GRM7: variants seen among roughly 807,000 people sequenced by gnomAD.
GRM7 encodes glutamate metabotropic receptor 7.
In GRM7, 35 loss-of-function variants were observed where a neutral mutation model predicts 84.5. The ratio of observed to expected loss-of-function variants is 0.41; its 90% CI spans 0.32 to 0.55. The LOEUF (loss-of-function observed/expected upper bound fraction) is 0.55. GRM7 is among the 20% of genes least tolerant of loss of function. The pLI, the probability that GRM7 is intolerant of heterozygous loss-of-function variation, is 0.19. For synonymous variants in GRM7, 487 were observed against 455.1 expected (o/e 1.07, Z -0.89); for missense variants, 1,003 against 1,194.6 (o/e 0.84, Z 2.36).
At chr3:7,120,364 G>T (rs1016599636) in intron 1 of GRM7, among the ~76,000 whole-genome samples, 1 of 151,986 alleles carries the variant, frequency 6.6e-6, no homozygotes, top group Non-Finnish European at 1.5e-5. Context: ...GGAGTGAGAA[G>T]CTGGAAAAAT....
intron 8 of GRM7, among the ~76,000 whole-genome samples, chr3:7,586,756 C>T (rs1309142839): frequency 6.6e-6 from 1 of 151,954 alleles, no homozygotes; most frequent in East Asian, 1.9e-4. Context: ...TGCAGTGGGC[C>T]AAGATTGCAC....
chr3:7,003,749 A>G (rs1695090035), intron 1 of GRM7, among the ~76,000 whole-genome samples: 2 of 152,152 alleles, frequency 1.3e-5, no homozygotes, highest in African/African-American at 4.8e-5. Flanking sequence ...ACATGCATCT[A>G]CTCCTATGTA....
chr3:7,086,742 TAAAG>T (rs1559430142), intron 1 of GRM7, among the ~76,000 whole-genome samples: 2 of 152,082 alleles, frequency 1.3e-5, no homozygotes, highest in Admixed American at 6.6e-5. Context: ...ATAAAGAAAA[TAAAG>T]AGCTAGTCTC....
intron 5 of GRM7, among the ~76,000 whole-genome samples, chr3:7,446,504 A>G (rs1308280228): frequency 7.6e-6 from 1 of 131,580 alleles, no homozygotes; most frequent in African/African-American, 3.0e-5. Flanking sequence ...TCTGTAGCCC[A>G]GGCTGAAGTG....
intron 7 of GRM7, among the ~76,000 whole-genome samples, chr3:7,497,537 C>T (rs1384515146): frequency 6.6e-6 from 1 of 152,114 alleles, no homozygotes; most frequent in Non-Finnish European, 1.5e-5. Context: ...TTTATGTTTT[C>T]TTACAGATTA....
chr3:7,142,019 T>A (rs1185549770), intron 1 of GRM7, among the ~76,000 whole-genome samples: 1 of 152,136 alleles, frequency 6.6e-6, no homozygotes, highest in Non-Finnish European at 1.5e-5. Flanking sequence ...GAAATACTCA[T>A]GAGTATGTAT....
intron 4 of GRM7, among the ~76,000 whole-genome samples, chr3:7,332,925 G>A (rs1269641753): frequency 3.3e-5 from 5 of 152,028 alleles, no homozygotes; most frequent in Admixed American, 3.3e-4. Flanking sequence ...GGAGCTCTAT[G>A]GCTCCTCCCA....
chr3:7,271,379 G>A (rs1698848919), intron 2 of GRM7, among the ~76,000 whole-genome samples: 1 of 151,796 alleles, frequency 6.6e-6, no homozygotes, highest in Non-Finnish European at 1.5e-5. Context: ...CTAACACGGT[G>A]AAACCCCGTC....
intron 7 of GRM7, among the ~76,000 whole-genome samples, chr3:7,543,588 A>G (rs1363086695): frequency 2.0e-5 from 3 of 152,242 alleles, no homozygotes; most frequent in African/African-American, 7.2e-5. Flanking sequence ...CTTTCAGATA[A>G]TAGTTCACAT....
intron 1 of GRM7, among the ~76,000 whole-genome samples, chr3:7,004,921 A>C (rs574636233): frequency 3.9e-5 from 6 of 152,282 alleles, no homozygotes; most frequent in Non-Finnish European, 7.4e-5. Flanking sequence ...AATATATGAG[A>C]CTTAGATTTC....
At chr3:7,596,623 C>T (rs888423668) in intron 8 of GRM7, among the ~76,000 whole-genome samples, 1 of 152,092 alleles carries the variant, frequency 6.6e-6, no homozygotes, top group African/African-American at 2.4e-5. Flanking sequence ...AGGGAATGAA[C>T]CATTGTTTTT....
chr3:7,118,325 G>T (rs1693109662), intron 1 of GRM7, among the ~76,000 whole-genome samples: 1 of 151,832 alleles, frequency 6.6e-6, no homozygotes, highest in Non-Finnish European at 1.5e-5. Context: ...GGGAGGTCGA[G>T]TCTATAGTGA....
At chr3:6,879,907 C>A (rs1469457883) in intron 1 of GRM7, among the ~76,000 whole-genome samples, 1 of 152,188 alleles carries the variant, frequency 6.6e-6, no homozygotes, top group African/African-American at 2.4e-5. Context: ...TGTCCCCTCA[C>A]CTCTGGTGTG....
intron 1 of GRM7, among the ~76,000 whole-genome samples, chr3:7,100,525 T>A (rs1699074756): frequency 6.6e-6 from 1 of 151,804 alleles, no homozygotes. Context: ...CCCTGCACAG[T>A]TTAATGTTAA....
intron 7 of GRM7, chr3:7,561,515 C>T (rs1052245166): frequency 2.2e-5 from 10 of 456,368 alleles, no homozygotes; most frequent in Non-Finnish European, 4.4e-5. Flanking sequence ...ACCATTTGTG[C>T]CTGCTACAGA....
intron 8 of GRM7, among the ~76,000 whole-genome samples, chr3:7,656,282 A>T (rs1460273635): frequency 1.3e-5 from 2 of 152,074 alleles, no homozygotes; most frequent in Non-Finnish European, 2.9e-5. Context: ...CGAGGTCAAA[A>T]GTTCAAGACC....
chr3:7,429,075 T>A (rs1696726936), intron 5 of GRM7, among the ~76,000 whole-genome samples: 1 of 152,204 alleles, frequency 6.6e-6, no homozygotes, highest in Non-Finnish European at 1.5e-5. Flanking sequence ...TAAGTTGCCT[T>A]AAATCAATTT....
intron 8 of GRM7, among the ~76,000 whole-genome samples, chr3:7,629,533 C>A (rs1697774242): frequency 6.6e-6 from 1 of 152,154 alleles, no homozygotes; most frequent in Non-Finnish European, 1.5e-5. Context: ...GATCAGGGCC[C>A]TACCCTTTTG....
intron 4 of GRM7, among the ~76,000 whole-genome samples, chr3:7,364,853 T>C (rs1213851835): frequency 6.6e-6 from 1 of 151,940 alleles, no homozygotes; most frequent in East Asian, 1.9e-4. Flanking sequence ...ATAGCTATGT[T>C]AATTTAGATT....
Sources: allele counts gnomAD v4.1 joint callset (sites outside exome capture counted in the v4.1 genomes callset), GRCh38; gene constraint gnomAD v4.1.1; transcripts MANE v1.5; gene names NCBI Gene and HGNC (gene_info 2026-07-23, HGNC 2026-07-21).